AUTS2: variants seen among roughly 807,000 people sequenced by gnomAD.
The protein encoded by AUTS2 is activator of transcription and developmental regulator AUTS2.
A neutral mutation model predicts 112.4 loss-of-function variants in AUTS2; 17 were observed. The ratio of observed to expected loss-of-function variants is 0.15; its 90% CI spans 0.10 to 0.23. The LOEUF (loss-of-function observed/expected upper bound fraction) is 0.23. Among genes scored for constraint, AUTS2 ranks in the 10% least tolerant of loss-of-function variants. The pLI, the probability that AUTS2 is intolerant of heterozygous loss-of-function variation, is 1.00. For missense variants in AUTS2, 1,510 were observed against 1,701.6 expected (o/e 0.89, Z 1.98); for synonymous variants, 751 against 702.7 (o/e 1.07, Z -1.09).
intron 4 of AUTS2, among the ~76,000 whole-genome samples, chr7:70,364,408 C>CA (rs901551397): frequency 1.3e-5 from 2 of 150,860 alleles, no homozygotes; most frequent in Admixed American, 1.3e-4. Context: ...ACTAAAAATA[C>CA]AAAAAAAATT....
intron 5 of AUTS2, among the ~76,000 whole-genome samples, chr7:70,604,640 A>G (rs1803638108): frequency 6.6e-6 from 1 of 152,212 alleles, no homozygotes; most frequent in African/African-American, 2.4e-5. Context: ...GGAATTAGAG[A>G]GCATCTAGCC....
At chr7:70,025,586 G>A (rs1273841402) in intron 2 of AUTS2, among the ~76,000 whole-genome samples, 1 of 151,310 alleles carries the variant, frequency 6.6e-6, no homozygotes, top group Non-Finnish European at 1.5e-5. Flanking sequence ...CAAGTAGCTG[G>A]GATTACAGGC....
At chr7:70,304,739 T>TG (rs1438304362) in intron 4 of AUTS2, among the ~76,000 whole-genome samples, 1 of 147,418 alleles carries the variant, frequency 6.8e-6, no homozygotes. Flanking sequence ...TTTTTTTTTT[T>TG]GGAAATGCTC....
chr7:70,345,780 T>G (rs1300630639), intron 4 of AUTS2, among the ~76,000 whole-genome samples: 1 of 152,216 alleles, frequency 6.6e-6, no homozygotes, highest in Non-Finnish European at 1.5e-5. Flanking sequence ...GAAGCCATCG[T>G]TTGATCCAGA....
intron 6 of AUTS2, among the ~76,000 whole-genome samples, chr7:70,717,759 CAG>C (rs1392158438): frequency 6.6e-6 from 1 of 152,204 alleles, no homozygotes; most frequent in Admixed American, 6.5e-5. Flanking sequence ...CAGTCAGCCT[CAG>C]GGGCGGTGCT....
intron 5 of AUTS2, among the ~76,000 whole-genome samples, chr7:70,633,642 T>C (rs1423469432): frequency 1.4e-5 from 2 of 146,308 alleles, no homozygotes; most frequent in South Asian, 2.2e-4. Flanking sequence ...ACAGAACACA[T>C]GGAATGCCTG....
chr7:70,728,614 G>A (rs375604895), intron 6 of AUTS2, among the ~76,000 whole-genome samples: 1 of 150,882 alleles, frequency 6.6e-6, no homozygotes, highest in Non-Finnish European at 1.5e-5. Context: ...AGGCTAAGGC[G>A]GGAAAATCAC....
intron 5 of AUTS2, among the ~76,000 whole-genome samples, chr7:70,461,813 G>A (rs1796976072): frequency 6.6e-6 from 1 of 152,146 alleles, no homozygotes; most frequent in Non-Finnish European, 1.5e-5. Context: ...TGGCACCTGG[G>A]GACAGGTGGA....
chr7:69,842,140 A>C (rs1306383608), intron 1 of AUTS2, among the ~76,000 whole-genome samples: 1 of 152,180 alleles, frequency 6.6e-6, no homozygotes, highest in Non-Finnish European at 1.5e-5. Flanking sequence ...CTGTTTGAGA[A>C]TGCCTTATCT....
At position 70,073,734 on chromosome 7, in the gene AUTS2, G is replaced by A. The variant is rs575919105; in HGVS notation, c.523-44398G>A. ...TATTTCTCAATAAAAAATATGAGTT[G>A]TGTAAAGTTTCTAACATAGAAATGC... On this transcript the variant is annotated intron_variant, in intron 2 of 18. Transcript: ENST00000342771. Among the ~76,000 whole-genome samples, 18 of 152,234 alleles carry A rather than the reference G, an allele frequency of 1.2e-4. No individual in the cohort carries two copies. The South Asian group carries it at 3.5e-3, about 30-fold the overall frequency.
At chr7:70,109,551 G>A (rs777726337) in intron 2 of AUTS2, among the ~76,000 whole-genome samples, 1 of 151,880 alleles carries the variant, frequency 6.6e-6, no homozygotes, top group Non-Finnish European at 1.5e-5. Context: ...TTTTCTGATT[G>A]GCAGTTGGTT....
intron 4 of AUTS2, among the ~76,000 whole-genome samples, chr7:70,425,964 CAATT>C (rs781563165): frequency 7.6e-4 from 115 of 152,198 alleles, no homozygotes; most frequent in Non-Finnish European, 1.4e-3. Flanking sequence ...TTTATTAACT[CAATT>C]AACGTTCTTA....
At chr7:69,624,548 C>G (rs553354541) in intron 1 of AUTS2, among the ~76,000 whole-genome samples, 5 of 152,340 alleles carry the variant, frequency 3.3e-5, no homozygotes, top group African/African-American at 1.2e-4. Flanking sequence ...AAAAGGACCT[C>G]AAGCAAACCC....
intron 6 of AUTS2, among the ~76,000 whole-genome samples, chr7:70,739,755 G>T (rs1396102592): frequency 2.0e-5 from 3 of 148,896 alleles, no homozygotes; most frequent in African/African-American, 7.5e-5. Context: ...GAACATCCCT[G>T]AGACGCCTTT....
At chr7:70,534,638 A>G (rs965907118) in intron 5 of AUTS2, among the ~76,000 whole-genome samples, 3 of 152,092 alleles carry the variant, frequency 2.0e-5, no homozygotes, top group Admixed American at 2.0e-4. Flanking sequence ...GTTGGTCAGC[A>G]TGTTCTTGAA....
chr7:70,046,927 T>G (rs1801532491), intron 2 of AUTS2, among the ~76,000 whole-genome samples: 1 of 152,212 alleles, frequency 6.6e-6, no homozygotes. Flanking sequence ...CCAAGTTTAA[T>G]AAGTCATTCC....
intron 5 of AUTS2, among the ~76,000 whole-genome samples, chr7:70,633,001 A>T (rs1242503213): frequency 6.6e-6 from 1 of 152,146 alleles, no homozygotes; most frequent in East Asian, 1.9e-4. Flanking sequence ...GGGGGGAAAA[A>T]AAAAAGTTGG....
chr7:70,221,455 G>T (rs968896443), intron 4 of AUTS2, among the ~76,000 whole-genome samples: 5 of 152,118 alleles, frequency 3.3e-5, no homozygotes, highest in African/African-American at 1.2e-4. Flanking sequence ...AGCCTAAATT[G>T]GAAGATACAT....
rs903750489 is a variant in AUTS2 at position 70,498,475 on chromosome 7, A to T, written c.690+62694A>T. ...GGTGACTATGTTTTCCTGGTTTTTAATGCAGATCATTGAAAACATGTCAGG... is the reference window on the plus strand; with the variant it reads ...GGTGACTATGTTTTCCTGGTTTTTATTGCAGATCATTGAAAACATGTCAGG... On this transcript the variant is annotated intron_variant, in intron 5 of 18. Transcript: ENST00000342771. Among the ~76,000 whole-genome samples, 13 of 152,290 alleles carry T rather than the reference A, an allele frequency of 8.5e-5. No homozygotes were observed. The East Asian group carries it at 2.3e-3, about 27-fold the overall frequency.
Sources: allele counts gnomAD v4.1 joint callset (sites outside exome capture counted in the v4.1 genomes callset), GRCh38; gene constraint gnomAD v4.1.1; transcripts MANE v1.5; gene names NCBI Gene and HGNC (gene_info 2026-07-23, HGNC 2026-07-21).